LAPTM4A: variants seen among roughly 807,000 people sequenced by gnomAD.
LAPTM4A encodes lysosomal protein transmembrane 4 alpha, also known as lysosomal-associated transmembrane protein 4A.
In LAPTM4A, 19 loss-of-function variants were observed where a neutral mutation model predicts 29.9. The ratio of observed to expected loss-of-function variants is 0.64; its 90% CI spans 0.44 to 0.93. LAPTM4A has a LOEUF of 0.93. Ranked by LOEUF, LAPTM4A falls within the 40% of genes least tolerant of loss-of-function variation. The pLI is 0.00. For missense variants in LAPTM4A, 293 were observed against 288.5 expected (o/e 1.02, Z -0.11); for synonymous variants, 105 against 102.1 (o/e 1.03, Z -0.17).
In LAPTM4A at chr2:20,033,289, GA is replaced by G. The variant is rs763775843; in HGVS notation, c.628-11del. The G allele has an allele frequency of 7.1e-5, 114 of 1,606,746 alleles. 1 individual carries two copies. In the South Asian group the frequency reaches 7.5e-4, roughly 11 times the overall value. Reference sequence around the variant, plus strand: ...AGGTTGGCAAAACGTACTAAAGAGAGAAAAAAAATTGTATCAGATTTAATTC... The same window carrying G: ...AGGTTGGCAAAACGTACTAAAGAGAGAAAAAAATTGTATCAGATTTAATTC... On this transcript the variant is annotated splice_polypyrimidine_tract_variant and intron_variant, in intron 6 of 6. Transcript: ENST00000175091.
intron 6 of LAPTM4A, among the ~76,000 whole-genome samples, chr2:20,033,733 G>A (rs971498090): frequency 1.3e-5 from 2 of 152,164 alleles, no homozygotes; most frequent in South Asian, 2.1e-4. Flanking sequence ...TCATGTCTTC[G>A]AGGGTAACAG....
At chr2:20,050,627 T>G (rs558688999) in intron 1 of LAPTM4A, among the ~76,000 whole-genome samples, 1 of 152,112 alleles carries the variant, frequency 6.6e-6, no homozygotes, top group Non-Finnish European at 1.5e-5. Context: ...TTATTACTAG[T>G]GAATCACCAG....
chr2:20,040,493 C>T (rs1034017981), intron 2 of LAPTM4A, among the ~76,000 whole-genome samples: 4 of 152,166 alleles, frequency 2.6e-5, no homozygotes, highest in Non-Finnish European at 4.4e-5. Context: ...CCCTAAATAA[C>T]CAGTGTGTGT....
At position 20,040,953 on chromosome 2, in the gene LAPTM4A, A is replaced by G; in HGVS notation, c.170T>C (p.Met57Thr). The part of the protein sequence containing the change: ...LTVEVTHPNS[M>T]PAVNIQYEVI... ...TTCATACTGAATGTTGACAGCTGGCATGGAGTTTGGATGAGTCACTTCCAC... is the reference window on the plus strand; with the variant it reads ...TTCATACTGAATGTTGACAGCTGGCGTGGAGTTTGGATGAGTCACTTCCAC... The change falls in exon 2 of 7, where the codon ATG becomes ACG. Residue 57 changes from methionine to threonine, a missense_variant. By Grantham distance (81) the Met-to-Thr change is moderately conservative. Transcript: ENST00000175091. 1 of 1,613,570 alleles carries G rather than the reference A, an allele frequency of 6.2e-7. No homozygotes were observed. Among genetic ancestry groups the G allele is most frequent in the Non-Finnish European group, 8.5e-7 (1 of 1,179,446 alleles).
At chr2:20,039,236 T>C (rs567111564) in intron 2 of LAPTM4A, among the ~76,000 whole-genome samples, 1 of 152,172 alleles carries the variant, frequency 6.6e-6, no homozygotes, top group Non-Finnish European at 1.5e-5. Flanking sequence ...AATTTATCAC[T>C]GGGCAGTAAA....
intron 1 of LAPTM4A, among the ~76,000 whole-genome samples, chr2:20,043,647 T>C (rs1673855121): frequency 6.6e-6 from 1 of 152,232 alleles, no homozygotes; most frequent in African/African-American, 2.4e-5. Flanking sequence ...GATAAGCAGA[T>C]CAAGTTTTAT....
intron 6 of LAPTM4A, among the ~76,000 whole-genome samples, chr2:20,033,486 G>A (rs1572395298): frequency 6.6e-6 from 1 of 152,084 alleles, no homozygotes; most frequent in East Asian, 2.0e-4. Context: ...AGGGTGGAGA[G>A]AGGGAGGTGG....
At chr2:20,033,562 C>T (rs1443701589) in intron 6 of LAPTM4A, among the ~76,000 whole-genome samples, 1 of 152,154 alleles carries the variant, frequency 6.6e-6, no homozygotes, top group Non-Finnish European at 1.5e-5. Flanking sequence ...CATTGCTCTG[C>T]CCTCATTCCA....
intron 1 of LAPTM4A, among the ~76,000 whole-genome samples, chr2:20,049,052 TGA>T (rs1673998966): frequency 6.6e-6 from 1 of 152,244 alleles, no homozygotes; most frequent in Non-Finnish European, 1.5e-5. Flanking sequence ...CTGATATTAC[TGA>T]TCACCTTCTC....
At chr2:20,043,359 C>G (rs779297400) in intron 1 of LAPTM4A, among the ~76,000 whole-genome samples, 1 of 151,938 alleles carries the variant, frequency 6.6e-6, no homozygotes, top group African/African-American at 2.4e-5. Flanking sequence ...GGACTACAGG[C>G]GTGCACCATT....
intron 4 of LAPTM4A, among the ~76,000 whole-genome samples, chr2:20,036,983 A>G (rs1673691684): frequency 6.6e-6 from 1 of 152,264 alleles, no homozygotes; most frequent in South Asian, 2.1e-4. Context: ...AGATGTCTGT[A>G]AAGACAATAA....
chr2:20,046,716 TTATA>T (rs1673927854), intron 1 of LAPTM4A, among the ~76,000 whole-genome samples: 1 of 139,240 alleles, frequency 7.2e-6, no homozygotes, highest in African/African-American at 2.5e-5. Context: ...TTATATATAT[TTATA>T]TATTATATAT....
Position 20,034,422 on chromosome 2 carries a change from G to A in LAPTM4A, c.529-7C>T. On this transcript the variant is annotated splice_region_variant and splice_polypyrimidine_tract_variant and intron_variant, in intron 5 of 6. Coordinates refer to ENST00000175091, the MANE Select transcript of LAPTM4A (RefSeq NM_014713.5). ...CACAGTTAATTAGATAAGCCTGGAA[G>A]AATAAAAACAAAGTTGACATCTGCT... 8.8e-6 allele frequency: 14 copies of A among 1,591,110 alleles called. No individual in the cohort carries two copies. Among genetic ancestry groups the A allele is most frequent in the Non-Finnish European group, 1.2e-5 (14 of 1,159,102 alleles).
chr2:20,047,816 C>T (rs1366432237), intron 1 of LAPTM4A, among the ~76,000 whole-genome samples: 2 of 151,970 alleles, frequency 1.3e-5, no homozygotes, highest in East Asian at 1.9e-4. Context: ...GGGAGGTTTT[C>T]GTACTACTTC....
Position 20,033,264 on chromosome 2 carries a change from A to G in LAPTM4A, c.643T>C (p.Tyr215His), listed in dbSNP as rs1365478715. 1 of 1,613,980 alleles carries G rather than the reference A, an allele frequency of 6.2e-7. No homozygotes were observed. The highest frequency in any genetic ancestry group is 1.1e-5 in the South Asian group (1 of 91,078). Residue 215 changes from tyrosine to histidine, a missense_variant, in exon 7 of 7, where the codon TAT (tyrosine) becomes CAT (histidine). Transcript: ENST00000175091. ...EAPPQYVLPTYEMAVKMPEKE... is the reference protein window; with the variant it reads ...EAPPQYVLPTHEMAVKMPEKE... Reference sequence around the variant, plus strand: ...TCAGGCATTTTCACGGCCATTTCATAGGTTGGCAAAACGTACTAAAGAGAG... The same window carrying G: ...TCAGGCATTTTCACGGCCATTTCATGGGTTGGCAAAACGTACTAAAGAGAG...
intron 1 of LAPTM4A, among the ~76,000 whole-genome samples, chr2:20,048,349 G>A (rs922655903): frequency 3.3e-5 from 5 of 152,192 alleles, no homozygotes; most frequent in African/African-American, 9.7e-5. Flanking sequence ...AGCTCATTCT[G>A]AAATTTCCTG....
chr2:20,049,541 C>T (rs1293138007), intron 1 of LAPTM4A, among the ~76,000 whole-genome samples: 1 of 152,136 alleles, frequency 6.6e-6, no homozygotes, highest in East Asian at 1.9e-4. Context: ...TTTGAGTTTC[C>T]TGTTTGTAGT....
intron 1 of LAPTM4A, among the ~76,000 whole-genome samples, chr2:20,046,054 G>A (rs1188739813): frequency 6.6e-6 from 1 of 152,168 alleles, no homozygotes; most frequent in African/African-American, 2.4e-5. Flanking sequence ...GGACATGGAT[G>A]AAGCTGGAAA....
intron 1 of LAPTM4A, among the ~76,000 whole-genome samples, chr2:20,041,779 C>A (rs961296016): frequency 1.3e-5 from 2 of 152,178 alleles, no homozygotes; most frequent in Non-Finnish European, 2.9e-5. Context: ...AAGTGATACA[C>A]CCAGCCCTAG....
Sources: allele counts gnomAD v4.1 joint callset (sites outside exome capture counted in the v4.1 genomes callset), GRCh38; gene constraint gnomAD v4.1.1; transcripts MANE v1.5; gene names NCBI Gene and HGNC (gene_info 2026-07-23, HGNC 2026-07-21).